The following NAA35 variants were observed in gnomAD, a reference collection of about 807,000 sequenced individuals.
NAA35 encodes N-alpha-acetyltransferase 35, NatC auxiliary subunit, also known as MAK10 homolog, amino-acid N-acetyltransferase subunit.
In NAA35, 18 loss-of-function variants were observed where a neutral mutation model predicts 101.7. The ratio of observed to expected loss-of-function variants is 0.18; its 90% CI spans 0.12 to 0.26. The LOEUF (loss-of-function observed/expected upper bound fraction) is 0.26. Among genes scored for constraint, NAA35 ranks in the 10% least tolerant of loss-of-function variants. The pLI, the probability that NAA35 is intolerant of heterozygous loss-of-function variation, is 1.00. For synonymous variants in NAA35, 267 were observed against 273.1 expected (o/e 0.98, Z 0.22); for missense variants, 601 against 886.8 (o/e 0.68, Z 4.09).
intron 11 of NAA35, among the ~76,000 whole-genome samples, chr9:85,984,085 T>A (rs955947177): frequency 5.3e-5 from 8 of 150,320 alleles, no homozygotes; most frequent in African/African-American, 2.0e-4. Flanking sequence ...CAGTGCACTT[T>A]GGGAAGCCAA....
intron 9 of NAA35, 57 bp downstream of exon 9, chr9:85,976,792 T>C: frequency 1.5e-6 from 2 of 1,320,108 alleles, no homozygotes; most frequent in Non-Finnish European, 2.1e-6. Flanking sequence ...GTTAATGTTG[T>C]AGTTTTATGA....
chr9:85,966,519 G>C, intron 6 of NAA35: 1 of 715,234 alleles, frequency 1.4e-6, no homozygotes, highest in South Asian at 2.1e-5. Context: ...CTATAATCCA[G>C]GAAATACAAA....
intron 8 of NAA35, among the ~76,000 whole-genome samples, chr9:85,975,563 A>G (rs907402813): frequency 1.3e-5 from 2 of 152,314 alleles, no homozygotes; most frequent in South Asian, 2.1e-4. Context: ...TGTAAATGCT[A>G]TGTAAATAGT....
intron 6 of NAA35, among the ~76,000 whole-genome samples, chr9:85,969,904 T>G (rs1171099624): frequency 1.4e-4 from 22 of 151,844 alleles, no homozygotes; most frequent in Admixed American, 1.4e-3. Flanking sequence ...GTGTCTCTGG[T>G]TTTCTTCTTT....
rs552230056 is a variant in NAA35 at position 86,003,580 on chromosome 9, G to A, written c.1057-5G>A. On this transcript the variant is annotated splice_region_variant and splice_polypyrimidine_tract_variant and intron_variant, in intron 12 of 22. Transcript: ENST00000361671. ...GACATTGCTTTTTCTTTATATATCTGTTAGGATTTTTTCTGTGAATTTAGT... is the reference window on the plus strand; with the variant it reads ...GACATTGCTTTTTCTTTATATATCTATTAGGATTTTTTCTGTGAATTTAGT... 9.5e-6 allele frequency: 15 copies of A among 1,576,820 alleles called. No homozygotes were observed. The African/African-American group carries it at 1.2e-4, about 13-fold the overall frequency.
rs757613464 is a variant in NAA35 at position 86,020,977 on chromosome 9, C to T, written c.2118+8C>T. The T allele has an allele frequency of 3.8e-6, 6 of 1,596,788 alleles. No homozygotes were observed. Among genetic ancestry groups the T allele is most frequent in the Non-Finnish European group, 5.1e-6 (6 of 1,168,764 alleles). Reference sequence around the variant, plus strand: ...CACAAAAAGGAATCTAAAGTGAGTACATTGTGGGAAAAATAAGTGGTCTTA... The same window carrying T: ...CACAAAAAGGAATCTAAAGTGAGTATATTGTGGGAAAAATAAGTGGTCTTA... On this transcript the variant is annotated splice_region_variant and intron_variant, in intron 22 of 22. Transcript: ENST00000361671.
intron 12 of NAA35, among the ~76,000 whole-genome samples, chr9:85,996,942 CTTTT>C (rs896987513): frequency 6.9e-6 from 1 of 144,706 alleles, no homozygotes; most frequent in East Asian, 2.0e-4. Flanking sequence ...AACTTAAACT[CTTTT>C]TTTTTTTTAA....
chr9:86,013,098 A>T lies in NAA35; in HGVS notation c.1343A>T (p.Asp448Val). Residue 448 changes from aspartate (D) to valine (V), a missense_variant, in exon 16 of 23, where the codon GAT becomes GTT. This residue lies in a region of NAA35 where 99 missense variants were observed against 206.7 expected (regional missense o/e 0.48). Coordinates refer to ENST00000361671, the MANE Select transcript of NAA35 (RefSeq NM_024635.4). Reference sequence around the variant, plus strand: ...GGACATAACAGGGCTCGACAGAGAGATAAGCTTGGTCATATTCTTGAGGAA... The same window carrying T: ...GGACATAACAGGGCTCGACAGAGAGTTAAGCTTGGTCATATTCTTGAGGAA... ...IHGHNRARQR[D>V]KLGHILEEFA... 1 of 1,596,708 alleles carries T rather than the reference A, an allele frequency of 6.3e-7. No homozygotes were observed. The highest frequency in any genetic ancestry group is 1.7e-5 in the Admixed American group (1 of 59,878).
At chr9:85,958,357 T>TA (rs1829364348) in intron 3 of NAA35, 115 bp from the exon 4 acceptor site, 1 of 567,754 alleles carries the variant, frequency 1.8e-6, no homozygotes, top group African/African-American at 1.9e-5. Context: ...TTGAGAAGAC[T>TA]AAATGCATAG....
At chr9:86,016,465 A>ATAG in intron 17 of NAA35, 74 bp from the exon 18 acceptor site, 4 of 1,104,928 alleles carry the variant, frequency 3.6e-6, no homozygotes, top group Non-Finnish European at 3.8e-6. Flanking sequence ...TGAAATATCT[A>ATAG]TCGTTAATAT....
At chr9:85,977,555 T>C (rs1463907622) in intron 10 of NAA35, 109 bp downstream of exon 10, 4 of 712,856 alleles carry the variant, frequency 5.6e-6, no homozygotes, top group Non-Finnish European at 1.0e-5. Context: ...ATCCCAGATA[T>C]ACAGAACTCA....
At chr9:85,995,413 A>G (rs1831112367) in intron 11 of NAA35, among the ~76,000 whole-genome samples, 1 of 151,944 alleles carries the variant, frequency 6.6e-6, no homozygotes, top group Admixed American at 6.6e-5. Context: ...TTTAAATCAC[A>G]ATTTATATTA....
At chr9:85,953,785 T>C (rs953242187) in intron 2 of NAA35, among the ~76,000 whole-genome samples, 2 of 152,136 alleles carry the variant, frequency 1.3e-5, no homozygotes, top group South Asian at 4.1e-4. Context: ...TCACACAGTA[T>C]TTGTCTTTTT....
chr9:85,975,089 T>TA, intron 7 of NAA35, 25 bp from the exon 8 acceptor site: 1 of 1,612,880 alleles, frequency 6.2e-7, no homozygotes, highest in South Asian at 1.1e-5. Flanking sequence ...TGTTTCCTTT[T>TA]AAAACTTATT....
intron 2 of NAA35, among the ~76,000 whole-genome samples, chr9:85,954,987 G>T (rs947563551): frequency 6.6e-6 from 1 of 151,912 alleles, no homozygotes; most frequent in African/African-American, 2.4e-5. Flanking sequence ...GCACAATCTC[G>T]GCTCACTGCA....
At position 85,944,487 on chromosome 9, in the gene NAA35, A is replaced by G. The variant is rs533082643; in HGVS notation, c.124+2204A>G. ...GGACTAGGCCTTGACAGAATGGACTAGAAGGGTAACATATGAGAACAAATA... is the reference window on the plus strand; with the variant it reads ...GGACTAGGCCTTGACAGAATGGACTGGAAGGGTAACATATGAGAACAAATA... On this transcript the variant is annotated intron_variant, in intron 2 of 22. Coordinates refer to ENST00000361671, the MANE Select transcript of NAA35 (RefSeq NM_024635.4). 1.1e-4 allele frequency among the ~76,000 whole-genome samples: 17 copies of G among 152,346 alleles called. No homozygotes were observed. The South Asian group carries it at 3.1e-3, about 28-fold the overall frequency.
chr9:85,963,263 CTTTTTTTT>C (rs527736196), intron 6 of NAA35, among the ~76,000 whole-genome samples: 3 of 72,318 alleles, frequency 4.1e-5, no homozygotes, highest in African/African-American at 1.8e-4. Flanking sequence ...GAAGGTATGG[CTTTTTTTT>C]TTTTTTTTTT....
At chr9:85,942,863 C>T (rs1828585702) in intron 2 of NAA35, among the ~76,000 whole-genome samples, 1 of 152,098 alleles carries the variant, frequency 6.6e-6, no homozygotes, top group Non-Finnish European at 1.5e-5. Flanking sequence ...ATTGCTTTGC[C>T]CCTCGCTTTC....
chr9:86,014,913 G>A (rs941378706), intron 17 of NAA35, among the ~76,000 whole-genome samples: 1 of 152,100 alleles, frequency 6.6e-6, no homozygotes, highest in African/African-American at 2.4e-5. Flanking sequence ...GTTATTCATA[G>A]TAGACAATTC....
Sources: allele counts gnomAD v4.1 joint callset (sites outside exome capture counted in the v4.1 genomes callset), GRCh38; gene constraint gnomAD v4.1.1; regional missense constraint gnomAD v4.1.1; transcripts MANE v1.5; gene names NCBI Gene and HGNC (gene_info 2026-07-23, HGNC 2026-07-21).